The following ZNF385D variants were observed in gnomAD, a reference collection of about 807,000 sequenced individuals.
ZNF385D encodes the protein zinc finger protein 659.
In ZNF385D, 15 loss-of-function variants were observed where a neutral mutation model predicts 35.8. The observed-to-expected ratio is 0.42, with a 90% CI of 0.28 to 0.64. The LOEUF (loss-of-function observed/expected upper bound fraction) is 0.64, where lower values mean the gene tolerates loss of function less well. Ranked by LOEUF, ZNF385D falls within the 30% of genes least tolerant of loss-of-function variation. ZNF385D has a pLI of 0.23. For synonymous variants in ZNF385D, 212 were observed against 186.8 expected (o/e 1.13, Z -1.10); for missense variants, 474 against 494.6 (o/e 0.96, Z 0.39).
chr3:22,167,343 C>G (rs531311045), intron 3 of ZNF385D, among the ~76,000 whole-genome samples: 1 of 152,200 alleles, frequency 6.6e-6, no homozygotes, highest in Non-Finnish European at 1.5e-5. Context: ...CTCTCCTATT[C>G]TGAGCCCATA....
At chr3:22,192,424 G>A (rs888168736) in intron 2 of ZNF385D, among the ~76,000 whole-genome samples, 2 of 152,044 alleles carry the variant, frequency 1.3e-5, no homozygotes, top group African/African-American at 4.8e-5. Flanking sequence ...ATAATAAACA[G>A]GGCTAACATA....
rs371020190 is a variant in ZNF385D at position 21,478,212 on chromosome 3, T to G, written c.439+32649A>C. ...ATAATAGGCATGCCAAAATGTGTAT[T>G]ATATAAACAAATATTTGTCCTGTGG... On this transcript the variant is annotated intron_variant, in intron 4 of 7. Coordinates refer to ENST00000281523, the MANE Select transcript of ZNF385D (RefSeq NM_024697.3). 1.6e-4 allele frequency among the ~76,000 whole-genome samples: 24 copies of G among 152,220 alleles called. 1 individual carries two copies. In the East Asian group the frequency reaches 1.7e-3, roughly 11 times the overall value.
At chr3:21,976,789 G>C (rs977813780) in intron 3 of ZNF385D, among the ~76,000 whole-genome samples, 3 of 152,162 alleles carry the variant, frequency 2.0e-5, no homozygotes, top group African/African-American at 4.8e-5. Flanking sequence ...TCAGGAGTTC[G>C]AGAACATCCT....
chr3:22,285,491 A>C lies in ZNF385D; in HGVS notation c.106+86959T>G, dbSNP rs114126992. Reference sequence around the variant, plus strand: ...AAAAATGTAAAATGAAGTAGGAAGAAATTTTCTATGTTGTTTTAACTGTGC... The same window carrying C: ...AAAAATGTAAAATGAAGTAGGAAGACATTTTCTATGTTGTTTTAACTGTGC... On this transcript the variant is annotated intron_variant, in intron 2 of 5. Transcript: ENST00000494108. 7.0e-3 allele frequency among the ~76,000 whole-genome samples: 1,059 copies of C among 152,230 alleles called. 4 individuals carry two copies. The highest frequency in any genetic ancestry group is 0.01 in the African/African-American group (428 of 41,544).
chr3:21,904,349 A>G (rs1039827605), intron 3 of ZNF385D, among the ~76,000 whole-genome samples: 16 of 151,476 alleles, frequency 1.1e-4, no homozygotes, highest in African/African-American at 2.9e-4. Context: ...AAGATTCAAT[A>G]TGCATTTTAA....
At chr3:21,723,234 C>T (rs545482245) in intron 1 of ZNF385D, among the ~76,000 whole-genome samples, 4 of 152,238 alleles carry the variant, frequency 2.6e-5, no homozygotes, top group Admixed American at 2.0e-4. Flanking sequence ...AAAACCAGAA[C>T]GTCTCTTCTC....
In ZNF385D at chr3:22,177,525, C is replaced by T. The variant is rs984937067; in HGVS notation, c.107-8490G>A. ...TATTTGTACATCACATCACACAATA[C>T]CCTAGTTCTCTGTGAAGTTTGAGAA... On this transcript the variant is annotated intron_variant, in intron 2 of 5. Coordinates refer to the ZNF385D transcript ENST00000494108. 2.0e-5 allele frequency among the ~76,000 whole-genome samples: 3 copies of T among 152,154 alleles called. No homozygotes were observed. The East Asian group carries it at 5.8e-4, about 29-fold the overall frequency.
chr3:22,289,866 T>A (rs962213536), intron 2 of ZNF385D, among the ~76,000 whole-genome samples: 2 of 152,124 alleles, frequency 1.3e-5, no homozygotes, highest in African/African-American at 4.8e-5. Context: ...CTGTTCAGAA[T>A]CCTGGAGGTC....
Position 21,861,523 on chromosome 3 carries a change from T to C in ZNF385D, c.326-196495A>G, listed in dbSNP as rs1697053300. Among the ~76,000 whole-genome samples, 4 of 152,110 alleles carry C rather than the reference T, an allele frequency of 2.6e-5. No homozygotes were observed. The South Asian group carries it at 8.3e-4, about 31-fold the overall frequency. On this transcript the variant is annotated intron_variant, in intron 3 of 5. Transcript: ENST00000494108. Reference sequence around the variant, plus strand: ...TGGAAAATGTCTACGGGGAGAATTTTACCAATATATAACTGATCTGAAACT... The same window carrying C: ...TGGAAAATGTCTACGGGGAGAATTTCACCAATATATAACTGATCTGAAACT...
intron 2 of ZNF385D, among the ~76,000 whole-genome samples, chr3:22,353,640 C>T (rs1696017141): frequency 6.6e-6 from 1 of 152,130 alleles, no homozygotes; most frequent in South Asian, 2.1e-4. Flanking sequence ...GATCTTGTCT[C>T]ATGATCACTC....
intron 3 of ZNF385D, among the ~76,000 whole-genome samples, chr3:22,089,504 A>C (rs1454527442): frequency 1.3e-5 from 2 of 152,176 alleles, no homozygotes; most frequent in Admixed American, 1.3e-4. Flanking sequence ...ACCTGGCTCC[A>C]GCAGTGTGCA....
intron 2 of ZNF385D, among the ~76,000 whole-genome samples, chr3:22,366,758 T>G (rs199659838): frequency 9.2e-5 from 14 of 152,280 alleles, no homozygotes; most frequent in Admixed American, 9.2e-4. Flanking sequence ...TGTTATTACA[T>G]TAAGGATTTT....
intron 2 of ZNF385D, among the ~76,000 whole-genome samples, chr3:22,257,270 T>C (rs968146791): frequency 6.6e-6 from 1 of 151,878 alleles, no homozygotes; most frequent in African/African-American, 2.4e-5. Flanking sequence ...ACAGGACTGT[T>C]AGATTCTACA....
chr3:21,557,327 A>G (rs959759436), intron 3 of ZNF385D, among the ~76,000 whole-genome samples: 6 of 152,174 alleles, frequency 3.9e-5, no homozygotes, highest in African/African-American at 1.4e-4. Flanking sequence ...TATTATTTCA[A>G]GGTAGGTTCC....
chr3:22,153,370 C>T (rs985567144), intron 3 of ZNF385D, among the ~76,000 whole-genome samples: 1 of 152,028 alleles, frequency 6.6e-6, no homozygotes, highest in African/African-American at 2.4e-5. Flanking sequence ...CATCATCAGG[C>T]AAACTCTGTA....
intron 2 of ZNF385D, among the ~76,000 whole-genome samples, chr3:22,200,128 C>G (rs1696682943): frequency 6.6e-6 from 1 of 152,034 alleles, no homozygotes; most frequent in South Asian, 2.1e-4. Flanking sequence ...CATTACAACA[C>G]AGGGCCATAG....
intron 3 of ZNF385D, among the ~76,000 whole-genome samples, chr3:21,865,264 A>G (rs1338173350): frequency 6.6e-6 from 1 of 151,740 alleles, no homozygotes; most frequent in Non-Finnish European, 1.5e-5. Flanking sequence ...TTACAAATAG[A>G]TGGAATCAAT....
chr3:22,330,578 T>C lies in ZNF385D; in HGVS notation c.106+41872A>G, dbSNP rs547671148. Among the ~76,000 whole-genome samples, 3 of 152,318 alleles carry C rather than the reference T, an allele frequency of 2.0e-5. No individual in the cohort carries two copies. The East Asian group carries it at 5.8e-4, about 29-fold the overall frequency. On this transcript the variant is annotated intron_variant, in intron 2 of 5. Transcript: ENST00000494108. ...ATTTCAGGGCCCCCGTCTGCTGTGA[T>C]ATGACAGATCACCTAACAAAATGCT...
intron 3 of ZNF385D, among the ~76,000 whole-genome samples, chr3:21,824,691 T>G (rs950419296): frequency 2.6e-5 from 4 of 152,104 alleles, no homozygotes; most frequent in Non-Finnish European, 5.9e-5. Context: ...GGAAATGAAA[T>G]TATTCCATGT....
Sources: allele counts gnomAD v4.1 joint callset (sites outside exome capture counted in the v4.1 genomes callset), GRCh38; gene constraint gnomAD v4.1.1; transcripts MANE v1.5; gene names NCBI Gene and HGNC (gene_info 2026-07-23, HGNC 2026-07-21).